TENM3: variants seen among roughly 807,000 people sequenced by gnomAD.
The protein encoded by TENM3 is teneurin-3.
TENM3 carries 63 observed loss-of-function variants against 255.1 expected under a neutral mutation model. That is an observed-to-expected ratio of 0.25 (90% CI 0.20 to 0.30). TENM3 has a LOEUF of 0.30. TENM3 is among the 10% of genes least tolerant of loss of function. The probability of loss-of-function intolerance (pLI) is 1.00; values close to 1 mark genes in which losing one functional copy is unlikely to be tolerated. For missense variants in TENM3, 2,929 were observed against 3,461.1 expected, an observed-to-expected ratio of 0.85 and a Z score of 3.86; for synonymous variants, 1,306 against 1,322.3, an observed-to-expected ratio of 0.99 and a Z score of 0.27.
chr4:182,623,824 G>T (rs1031726364), intron 4 of TENM3, among the ~76,000 whole-genome samples: 2 of 151,802 alleles, frequency 1.3e-5, no homozygotes, highest in Non-Finnish European at 2.9e-5. Context: ...GGTCGCCTTC[G>T]TTCCTATCCG....
intron 5 of TENM3, among the ~76,000 whole-genome samples, chr4:182,652,171 A>C (rs915693273): frequency 6.6e-6 from 1 of 152,212 alleles, no homozygotes; most frequent in African/African-American, 2.4e-5. Context: ...ATTGAGACCT[A>C]CTAGGTATCA....
the TENM3 span, among the ~76,000 whole-genome samples, chr4:181,645,596 G>C: frequency 1.3e-5 from 2 of 152,108 alleles, no homozygotes; most frequent in South Asian, 2.1e-4. Context: ...AATATGAGAG[G>C]GGGAGTGATG....
chr4:181,670,775 A>G, the TENM3 span, among the ~76,000 whole-genome samples: 1 of 152,184 alleles, frequency 6.6e-6, no homozygotes, highest in Non-Finnish European at 1.5e-5. Context: ...TAAATGAACC[A>G]TTTATGACTC....
At chr4:182,024,228 A>G in the TENM3 span, among the ~76,000 whole-genome samples, 1 of 152,198 alleles carries the variant, frequency 6.6e-6, no homozygotes, top group Non-Finnish European at 1.5e-5. Context: ...AAAGTCATAC[A>G]TTGTTTTGTA....
chr4:181,797,606 C>T, the TENM3 span, among the ~76,000 whole-genome samples: 2 of 152,174 alleles, frequency 1.3e-5, no homozygotes, highest in African/African-American at 4.8e-5. Flanking sequence ...TAGGCATTAA[C>T]AAGTAAAACT....
the TENM3 span, among the ~76,000 whole-genome samples, chr4:181,669,261 T>C: frequency 6.6e-6 from 1 of 152,192 alleles, no homozygotes; most frequent in Non-Finnish European, 1.5e-5. Flanking sequence ...GCATTTAATC[T>C]TCACCACAAC....
At chr4:181,844,292 G>A in the TENM3 span, among the ~76,000 whole-genome samples, 5 of 152,176 alleles carry the variant, frequency 3.3e-5, no homozygotes, top group South Asian at 8.3e-4. Context: ...TAGAAAATAC[G>A]ACATGGAAAT....
chr4:181,605,538 GAAA>G, the TENM3 span, among the ~76,000 whole-genome samples: 4 of 22,456 alleles, frequency 1.8e-4, no homozygotes, highest in African/African-American at 4.5e-4. Context: ...AAGAAAGAAA[GAAA>G]GAAAGAAAGA....
chr4:182,627,874 GT>G (rs943228637), intron 4 of TENM3, among the ~76,000 whole-genome samples: 4 of 152,032 alleles, frequency 2.6e-5, no homozygotes, highest in African/African-American at 9.7e-5. Context: ...TTTAGAGACA[GT>G]TTGCTCTCTG....
chr4:181,799,551 T>A, the TENM3 span, among the ~76,000 whole-genome samples: 1 of 152,258 alleles, frequency 6.6e-6, no homozygotes, highest in South Asian at 2.1e-4. Flanking sequence ...TTACAATTAC[T>A]GTTATAAACT....
chr4:182,730,115 T>G, intron 14 of TENM3, 85 bp from the exon 15 acceptor site: 1 of 1,540,274 alleles, frequency 6.5e-7, no homozygotes, highest in Non-Finnish European at 8.9e-7. Flanking sequence ...TGTTATTTTA[T>G]CCTTAGGTTG....
the TENM3 span, among the ~76,000 whole-genome samples, chr4:181,913,728 A>C: frequency 6.6e-6 from 1 of 152,196 alleles, no homozygotes; most frequent in Non-Finnish European, 1.5e-5. Flanking sequence ...GTCAAACTTT[A>C]AAATGGAGAA....
At chr4:181,808,469 G>T in the TENM3 span, among the ~76,000 whole-genome samples, 1 of 152,022 alleles carries the variant, frequency 6.6e-6, no homozygotes, top group Non-Finnish European at 1.5e-5. Flanking sequence ...ATTCAGGTTG[G>T]GCAGCCTGGA....
At chr4:182,549,008 TTC>T (rs1741741301) in intron 3 of TENM3, among the ~76,000 whole-genome samples, 2 of 152,252 alleles carry the variant, frequency 1.3e-5, no homozygotes, top group South Asian at 4.1e-4. Flanking sequence ...TGTGGTTTTT[TTC>T]TCTCTTACTT....
At chr4:181,692,370 A>G in the TENM3 span, among the ~76,000 whole-genome samples, 1 of 152,298 alleles carries the variant, frequency 6.6e-6, no homozygotes, top group East Asian at 1.9e-4. Flanking sequence ...GAGGCTCACA[A>G]TCAATGCAGA....
chr4:181,869,902 A>T, the TENM3 span, among the ~76,000 whole-genome samples: 21 of 152,204 alleles, frequency 1.4e-4, no homozygotes, highest in Admixed American at 1.3e-3. Context: ...TGGAAATTGC[A>T]GAAGTAGACA....
At chr4:181,853,825 C>T in the TENM3 span, among the ~76,000 whole-genome samples, 2 of 152,182 alleles carry the variant, frequency 1.3e-5, no homozygotes, top group African/African-American at 4.8e-5. Context: ...TGTAGTAGCC[C>T]TTTCCAAAGC....
chr4:182,725,830 G>T lies in TENM3; in HGVS notation c.2369-3135G>T, dbSNP rs373046961. ...TTTTTGTATTTTTAGTAGAGACGGG[G>T]TTTCACCATGTTGGCCAGGCTGGTC... is the stretch of plus-strand genomic sequence containing the variant. On this transcript the variant is annotated intron_variant, in intron 13 of 27. Transcript: ENST00000511685. Among the ~76,000 whole-genome samples the T allele has an allele frequency of 4.4e-3, 673 of 151,780 alleles. 6 individuals are homozygous for T. Among genetic ancestry groups the T allele is most frequent in the African/African-American group, 0.015 (642 of 41,424 alleles).
chr4:181,903,365 A>T, the TENM3 span, among the ~76,000 whole-genome samples: 63 of 152,194 alleles, frequency 4.1e-4, no homozygotes, highest in Non-Finnish European at 7.3e-4. Context: ...GAATTATATT[A>T]TGCATACAGA....
Sources: allele counts gnomAD v4.1 joint callset (sites outside exome capture counted in the v4.1 genomes callset), GRCh38; gene constraint gnomAD v4.1.1; transcripts MANE v1.5; gene names NCBI Gene and HGNC (gene_info 2026-07-23, HGNC 2026-07-21).